Variants in TRIM44 observed in about 807,000 individuals in gnomAD.
TRIM44 encodes tripartite motif containing 44.
A neutral mutation model predicts 37.4 loss-of-function variants in TRIM44; 13 were observed. The ratio of observed to expected loss-of-function variants is 0.35; its 90% confidence interval spans 0.23 to 0.55. TRIM44 has a LOEUF of 0.55. TRIM44 is among the 20% of genes least tolerant of loss of function. TRIM44 has a pLI of 0.89. For missense variants in TRIM44, 426 were observed against 437.2 expected, an observed-to-expected ratio of 0.97 and a Z score of 0.23; for synonymous variants, 175 against 157.2, an observed-to-expected ratio of 1.11 and a Z score of -0.85.
chr11:35,706,349 A>G (rs1851881102), intron 2 of TRIM44, among the ~76,000 whole-genome samples: 1 of 152,222 alleles, frequency 6.6e-6, no homozygotes, highest in Admixed American at 6.5e-5. Flanking sequence ...AGTAAATGGT[A>G]CCGTTCCTTC....
intron 4 of TRIM44, among the ~76,000 whole-genome samples, chr11:35,795,567 T>C (rs989034174): frequency 3.3e-5 from 5 of 152,174 alleles, no homozygotes; most frequent in Non-Finnish European, 5.9e-5. Context: ...TCATGATAGC[T>C]GTCACCGTCT....
At chr11:35,673,931 T>C (rs1244156515) in intron 1 of TRIM44, among the ~76,000 whole-genome samples, 1 of 151,946 alleles carries the variant, frequency 6.6e-6, no homozygotes, top group Non-Finnish European at 1.5e-5. Flanking sequence ...CAGAGATTCA[T>C]CTGTATCAGT....
rs1453119048 is a variant in TRIM44, at chr11:35,779,200, T to G, written c.1008-27158T>G. On this transcript the variant is annotated intron_variant, in intron 4 of 4. Transcript: ENST00000299413. ...GCAATTCGATCTCTGACTGCTGTGC[T>G]TGCTAGCAGTGAGCGAGGCTCTGTG... 3.3e-5 allele frequency among the ~76,000 whole-genome samples: 5 copies of G among 152,338 alleles called. No individual in the cohort carries two copies. The East Asian group carries it at 9.6e-4, about 29-fold the overall frequency.
At chr11:35,727,109 G>C (rs931562143) in intron 3 of TRIM44, among the ~76,000 whole-genome samples, 22 of 151,114 alleles carry the variant, frequency 1.5e-4, no homozygotes, top group African/African-American at 5.1e-4. Flanking sequence ...AGTGAGCTGT[G>C]ATTGTGCCAT....
intron 2 of TRIM44, among the ~76,000 whole-genome samples, chr11:35,693,891 T>C (rs754577415): frequency 7.2e-5 from 11 of 151,882 alleles, no homozygotes; most frequent in Non-Finnish European, 5.9e-5. Flanking sequence ...AAGAATAGAG[T>C]GCGCTAGGGA....
At chr11:35,727,311 C>T (rs986737537) in intron 3 of TRIM44, among the ~76,000 whole-genome samples, 1 of 152,116 alleles carries the variant, frequency 6.6e-6, no homozygotes, top group African/African-American at 2.4e-5. Context: ...GTCCTGTGGA[C>T]TTTCTAGGAC....
chr11:35,759,913 G>T lies in TRIM44; in HGVS notation c.1007+24468G>T, dbSNP rs190977242. On this transcript the variant is annotated intron_variant, in intron 4 of 4. Transcript: ENST00000299413. ...AGGTGTCAGTCTGCCCTTACTGGGG[G>T]CTGTCTCCCAGTTAGGCTACTCGGG... 2.6e-5 allele frequency among the ~76,000 whole-genome samples: 4 copies of T among 152,334 alleles called. No homozygotes were observed. The East Asian group carries it at 5.8e-4, about 22-fold the overall frequency.
chr11:35,690,599 A>C (rs1024309048), intron 2 of TRIM44, among the ~76,000 whole-genome samples: 2 of 152,226 alleles, frequency 1.3e-5, no homozygotes, highest in African/African-American at 4.8e-5. Flanking sequence ...AAGTTGTTAC[A>C]TATAGAAGTG....
chr11:35,719,677 G>A (rs545295664), intron 2 of TRIM44, among the ~76,000 whole-genome samples: 2 of 152,184 alleles, frequency 1.3e-5, no homozygotes, highest in Admixed American at 1.3e-4. Context: ...TTATAGTTTT[G>A]CATTTTACAT....
chr11:35,699,724 C>T (rs921533388), intron 2 of TRIM44, among the ~76,000 whole-genome samples: 6 of 151,560 alleles, frequency 4.0e-5, no homozygotes, highest in Non-Finnish European at 8.8e-5. Context: ...AGCCCAAAAT[C>T]TCCTTAAGCC....
At chr11:35,726,861 TA>T (rs141296769) in intron 3 of TRIM44, among the ~76,000 whole-genome samples, 60 of 146,014 alleles carry the variant, frequency 4.1e-4, no homozygotes, top group Admixed American at 4.1e-4. Context: ...AGGTAGCCAT[TA>T]AAAAAAAAAA....
chr11:35,769,706 A>G (rs1220609668), intron 4 of TRIM44, among the ~76,000 whole-genome samples: 4 of 152,196 alleles, frequency 2.6e-5, no homozygotes, highest in Admixed American at 6.5e-5. Flanking sequence ...CATAACATTT[A>G]ATAACTGCCA....
In TRIM44 at chr11:35,806,420, C is replaced by T. The variant is rs781084842; in HGVS notation, c.*35C>T. On this transcript the variant is annotated 3_prime_UTR_variant, in exon 5 of 5. Transcript: ENST00000299413. ...ACCCCCAGTGGAAAATCATCCCCTC[C>T]CCTTGTGTGTATGTGACAGCGTGTA... The T allele has an allele frequency of 1.9e-6, 3 of 1,612,228 alleles. No homozygotes were observed. In the Admixed American group the frequency reaches 5.0e-5, roughly 27 times the overall value.
rs549295682 is a variant in TRIM44 at position 35,808,868 on chromosome 11, C to G, written c.*2483C>G. ...CTAGAGCTGGAGCATGCTGCTTGGC[C>G]TTAAGCCCCAGCATGATGAGGCTTC... On this transcript the variant is annotated 3_prime_UTR_variant, in exon 5 of 5. Coordinates refer to ENST00000299413, the MANE Select transcript of TRIM44 (RefSeq NM_017583.6). The G allele has an allele frequency of 2.6e-5, 4 of 152,340 alleles. No homozygotes were observed. The East Asian group carries it at 7.7e-4, about 29-fold the overall frequency. 9.4% of individuals were successfully genotyped at this position (152,340 alleles called of 1,614,324 possible). A position where few individuals can be genotyped will look rare whatever the true frequency, so the allele number is the denominator to read the frequency against.
rs1289145905 is a variant in TRIM44 at position 35,810,122 on chromosome 11, A to G, written c.*3737A>G. ...CTCCAGCCCTCCTCCAGGATGTCTA[A>G]TAAGATGGGAAACTTGGATGCCCAG... On this transcript the variant is annotated 3_prime_UTR_variant, in exon 5 of 5. Coordinates refer to ENST00000299413, the MANE Select transcript of TRIM44 (RefSeq NM_017583.6). 6.6e-6 allele frequency: 1 copy of G among 152,158 alleles called. No individual in the cohort carries two copies. The highest frequency in any genetic ancestry group is 1.5e-5 in the Non-Finnish European group (1 of 68,040). 9.4% of individuals were successfully genotyped at this position (152,158 alleles called of 1,614,324 possible). A position where few individuals can be genotyped will look rare whatever the true frequency, so the allele number is the denominator to read the frequency against.
chr11:35,727,970 C>T (rs1454668914), intron 3 of TRIM44, among the ~76,000 whole-genome samples: 1 of 152,316 alleles, frequency 6.6e-6, no homozygotes, highest in East Asian at 1.9e-4. Context: ...GTCCACAGTT[C>T]CTATCAAGTT....
At chr11:35,762,121 C>G (rs1037870772) in intron 4 of TRIM44, among the ~76,000 whole-genome samples, 3 of 152,186 alleles carry the variant, frequency 2.0e-5, no homozygotes, top group African/African-American at 7.2e-5. Flanking sequence ...GAGCCAGTGA[C>G]CGTGCAGGCT....
chr11:35,782,600 G>T (rs1390228802), intron 4 of TRIM44, among the ~76,000 whole-genome samples: 1 of 151,988 alleles, frequency 6.6e-6, no homozygotes, highest in East Asian at 1.9e-4. Flanking sequence ...TGCAGCTTTG[G>T]GTATTATACC....
At chr11:35,764,672 A>G (rs1852770359) in intron 4 of TRIM44, among the ~76,000 whole-genome samples, 3 of 152,164 alleles carry the variant, frequency 2.0e-5, no homozygotes, top group Admixed American at 2.0e-4. Flanking sequence ...CTTTGCCAGT[A>G]GGAGAGTACA....
Sources: gnomAD v4.1 joint callset for allele counts (sites outside exome capture counted in the v4.1 genomes callset) on GRCh38, gnomAD v4.1.1 for gene constraint, MANE v1.5 for transcripts, NCBI Gene and HGNC (gene_info 2026-07-23, HGNC 2026-07-21) for gene names.